Variants in ADAM32 observed in about 807,000 individuals in gnomAD.
ADAM32 encodes ADAM metallopeptidase domain 32.
A neutral mutation model predicts 114.9 loss-of-function variants in ADAM32; 89 were observed. The observed-to-expected ratio is 0.77, with a 90% CI of 0.65 to 0.92. The LOEUF (loss-of-function observed/expected upper bound fraction) is 0.92. Among genes scored for constraint, ADAM32 ranks in the 40% least tolerant of loss-of-function variants. The pLI is 0.00. For synonymous variants in ADAM32, 285 were observed against 307.5 expected (o/e 0.93, Z 0.77); for missense variants, 870 against 932.8 (o/e 0.93, Z 0.88).
chr8:39,185,376 A>C (rs55688319), intron 10 of ADAM32, among the ~76,000 whole-genome samples: 8 of 131,114 alleles, frequency 6.1e-5, no homozygotes, highest in African/African-American at 2.0e-4. Context: ...AACAAACAAA[A>C]AAACAGCAGA....
intron 17 of ADAM32, among the ~76,000 whole-genome samples, chr8:39,249,167 G>A (rs1458318283): frequency 6.6e-6 from 1 of 152,122 alleles, no homozygotes; most frequent in African/African-American, 2.4e-5. Context: ...GCCTCCCAAA[G>A]TGCTGGGATT....
At chr8:39,125,034 A>G (rs6474108) in intron 2 of ADAM32, among the ~76,000 whole-genome samples, 43,113 of 151,948 alleles carry the variant, frequency 0.28, 6,145 homozygotes, top group Middle Eastern at 0.34. Flanking sequence ...TTTAATAATC[A>G]CCATTCTAAC....
chr8:39,253,342 G>T (rs893297506), intron 17 of ADAM32, among the ~76,000 whole-genome samples: 2 of 151,536 alleles, frequency 1.3e-5, no homozygotes, highest in Non-Finnish European at 3.0e-5. Context: ...AATAATGAAC[G>T]CCTTTACTTT....
chr8:39,170,130 T>G, intron 10 of ADAM32, 133 bp downstream of exon 10: 1 of 608,328 alleles, frequency 1.6e-6, no homozygotes, highest in Non-Finnish European at 2.7e-6. Context: ...CTGTTAAAAT[T>G]TTTAAGTGTG....
chr8:39,108,082 A>G, intron 1 of ADAM32: 1 of 460,468 alleles, frequency 2.2e-6, no homozygotes, highest in Non-Finnish European at 3.7e-6. Context: ...TCGGAGTTGG[A>G]GACCAGCTTG....
chr8:39,251,579 A>C (rs556173843), intron 17 of ADAM32, among the ~76,000 whole-genome samples: 7 of 151,058 alleles, frequency 4.6e-5, no homozygotes, highest in Non-Finnish European at 7.4e-5. Flanking sequence ...GTTTTTTCCT[A>C]TTGAGTTATT....
intron 16 of ADAM32, among the ~76,000 whole-genome samples, chr8:39,242,609 C>A (rs1404506809): frequency 6.6e-6 from 1 of 152,112 alleles, no homozygotes; most frequent in Admixed American, 6.5e-5. Context: ...AGGAAGAGCA[C>A]AGGAAAGACC....
chr8:39,132,670 C>A (rs1416745657), intron 2 of ADAM32, among the ~76,000 whole-genome samples: 7 of 152,024 alleles, frequency 4.6e-5, no homozygotes, highest in African/African-American at 1.7e-4. Context: ...AAATAAATTT[C>A]TTCAGTATTT....
intron 19 of ADAM32, among the ~76,000 whole-genome samples, chr8:39,263,548 G>A (rs750799986): frequency 1.2e-4 from 18 of 151,516 alleles, no homozygotes; most frequent in African/African-American, 2.2e-4. Flanking sequence ...TTTCTTTTGC[G>A]ATTGGAATAG....
At chr8:39,221,551 A>G (rs1808960738) in intron 12 of ADAM32, 59 bp from the exon 13 acceptor site, 1 of 1,318,944 alleles carries the variant, frequency 7.6e-7, no homozygotes, top group Admixed American at 1.9e-5. Flanking sequence ...TATAACTCCT[A>G]GTAAAGATTT....
chr8:39,217,713 T>A (rs181511285), intron 12 of ADAM32, among the ~76,000 whole-genome samples: 92 of 152,350 alleles, frequency 6.0e-4, no homozygotes, highest in Non-Finnish European at 9.6e-4. Flanking sequence ...CTTGATTTTT[T>A]AAATAATTTC....
chr8:39,274,765 GTGATGT>G (rs1812970765), intron 21 of ADAM32, among the ~76,000 whole-genome samples: 1 of 152,186 alleles, frequency 6.6e-6, no homozygotes, highest in South Asian at 2.1e-4. Context: ...CTACAGCCTA[GTGATGT>G]TGTAGCCATC....
chr8:39,219,915 C>T (rs1585569878), intron 12 of ADAM32, among the ~76,000 whole-genome samples: 1 of 152,090 alleles, frequency 6.6e-6, no homozygotes, highest in Non-Finnish European at 1.5e-5. Context: ...AATGTATATG[C>T]TATTGTTGAA....
chr8:39,141,853 G>C (rs1332570586), intron 3 of ADAM32, among the ~76,000 whole-genome samples: 1 of 152,056 alleles, frequency 6.6e-6, no homozygotes, highest in Non-Finnish European at 1.5e-5. Context: ...CTAAGGACTT[G>C]CTTTATGAAT....
chr8:39,183,998 C>T (rs1380937336), intron 10 of ADAM32, among the ~76,000 whole-genome samples: 3 of 152,228 alleles, frequency 2.0e-5, no homozygotes, highest in Non-Finnish European at 4.4e-5. Context: ...ATAAACCTAT[C>T]TCCAGTTTAC....
At chr8:39,208,678 A>C (rs1808012390) in intron 11 of ADAM32, among the ~76,000 whole-genome samples, 1 of 152,238 alleles carries the variant, frequency 6.6e-6, no homozygotes, top group Admixed American at 6.5e-5. Flanking sequence ...TTCTTGGTTG[A>C]AAGTTTTTTC....
chr8:39,181,486 G>A (rs948688075), intron 10 of ADAM32, among the ~76,000 whole-genome samples: 16 of 152,192 alleles, frequency 1.1e-4, no homozygotes, highest in African/African-American at 3.6e-4. Flanking sequence ...AGGCTCCGCG[G>A]CTTCATTCTT....
intron 11 of ADAM32, among the ~76,000 whole-genome samples, chr8:39,209,797 A>G (rs1190401759): frequency 6.6e-6 from 1 of 152,206 alleles, no homozygotes; most frequent in South Asian, 2.1e-4. Flanking sequence ...TTCCAAGCCC[A>G]AAGTCTCTTG....
intron 1 of ADAM32, among the ~76,000 whole-genome samples, chr8:39,109,559 TA>T (rs529943101): frequency 1.1e-3 from 170 of 149,318 alleles, no homozygotes; most frequent in Middle Eastern, 0.01. Flanking sequence ...AAAAATAAAA[TA>T]AAAAAAAAAT....
Sources: gnomAD v4.1 joint callset for allele counts (sites outside exome capture counted in the v4.1 genomes callset) on GRCh38, gnomAD v4.1.1 for gene constraint, MANE v1.5 for transcripts, NCBI Gene and HGNC (gene_info 2026-07-23, HGNC 2026-07-21) for gene names.